The following BFSP1 variants were observed in gnomAD, a reference collection of about 807,000 sequenced individuals.
BFSP1 encodes beaded filament structural protein 1, also known as filensin.
In BFSP1, 38 loss-of-function variants were observed where a neutral mutation model predicts 43.9. That is an observed-to-expected ratio of 0.87 (90% confidence interval 0.67 to 1.14). BFSP1 has a LOEUF of 1.14. Among genes scored for constraint, BFSP1 ranks in the 50% most tolerant of loss-of-function variants. BFSP1 has a pLI of 0.00. For missense variants in BFSP1, 850 were observed against 875.1 expected (o/e 0.97, Z 0.36); for synonymous variants, 352 against 354.8 (o/e 0.99, Z 0.09).
intron 1 of BFSP1, among the ~76,000 whole-genome samples, chr20:17,542,745 C>T (rs1271557113): frequency 6.6e-6 from 1 of 152,184 alleles, no homozygotes; most frequent in African/African-American, 2.4e-5. Flanking sequence ...TATTGTTTAA[C>T]ATGGAACCCT....
chr20:17,495,652 C>T (rs1386352981), intron 7 of BFSP1, among the ~76,000 whole-genome samples: 4 of 152,180 alleles, frequency 2.6e-5, no homozygotes, highest in Non-Finnish European at 5.9e-5. Flanking sequence ...CTATGAAATT[C>T]AGAAATGACA....
At chr20:17,521,879 T>C (rs946201862) in intron 2 of BFSP1, among the ~76,000 whole-genome samples, 3 of 152,166 alleles carry the variant, frequency 2.0e-5, no homozygotes, top group African/African-American at 4.8e-5. Context: ...ATGTGGAATG[T>C]GGCTCTGAAC....
intron 1 of BFSP1, among the ~76,000 whole-genome samples, chr20:17,568,156 G>A (rs2035144207): frequency 6.6e-6 from 1 of 152,022 alleles, no homozygotes; most frequent in South Asian, 2.1e-4. Flanking sequence ...TGGGAGATAG[G>A]GCAGAAAAAG....
upstream of BFSP1, among the ~76,000 whole-genome samples, chr20:17,532,220 C>G (rs951420153): frequency 5.3e-5 from 8 of 151,890 alleles, no homozygotes; most frequent in South Asian, 2.1e-4. Flanking sequence ...GCCTGGCCAA[C>G]ATGGTGAAAC....
upstream of BFSP1, among the ~76,000 whole-genome samples, chr20:17,559,836 G>A (rs1446649670): frequency 6.6e-6 from 1 of 152,128 alleles, no homozygotes; most frequent in African/African-American, 2.4e-5. Context: ...CACCCCGTCT[G>A]TGGAAAAATT....
intron 1 of BFSP1, among the ~76,000 whole-genome samples, chr20:17,526,029 C>T (rs1429254596): frequency 6.7e-6 from 1 of 150,038 alleles, no homozygotes; most frequent in Admixed American, 6.8e-5. Context: ...AAATACTGTA[C>T]AGTATCATAC....
chr20:17,559,473 G>A (rs1215181617), upstream of BFSP1, among the ~76,000 whole-genome samples: 2 of 152,146 alleles, frequency 1.3e-5, no homozygotes, highest in African/African-American at 4.8e-5. Context: ...TACAGGTGAG[G>A]ACAAGGAGTC....
At chr20:17,540,514 C>T (rs974521895) in intron 1 of BFSP1, among the ~76,000 whole-genome samples, 5 of 152,118 alleles carry the variant, frequency 3.3e-5, no homozygotes, top group African/African-American at 9.7e-5. Flanking sequence ...TAAGGTCCCC[C>T]GCTGTTTACC....
In BFSP1 at chr20:17,494,261, C is replaced by T. The variant is rs2033567638; in HGVS notation, c.1811G>A (p.Arg604Lys). 3.1e-6 allele frequency: 5 copies of T among 1,614,202 alleles called. No homozygotes were observed. Among genetic ancestry groups the T allele is most frequent in the Non-Finnish European group, 4.2e-6 (5 of 1,180,048 alleles). ...DQDGAEVLGTRSRSLPEKGPP... is the reference protein window; with the variant it reads ...DQDGAEVLGTKSRSLPEKGPP... Reference sequence around the variant, plus strand: ...GCCTTTTTCTGGCAGGCTTCTGCTCCTAGTCCCAAGCACCTCAGCTCCATC... The same window carrying T: ...GCCTTTTTCTGGCAGGCTTCTGCTCTTAGTCCCAAGCACCTCAGCTCCATC... The change falls in exon 8 of 8, where the codon AGG becomes AAG. Residue 604 changes from arginine to lysine, a missense_variant. Physicochemically the swap from Arg to Lys is conservative, Grantham distance 26. Transcript: ENST00000377873.
intron 1 of BFSP1, among the ~76,000 whole-genome samples, chr20:17,539,533 G>A (rs533099240): frequency 6.6e-6 from 1 of 152,194 alleles, no homozygotes; most frequent in Non-Finnish European, 1.5e-5. Flanking sequence ...GATTGATTGA[G>A]CACAGGAATT....
At chr20:17,546,959 G>A (rs1412161206) in intron 1 of BFSP1, among the ~76,000 whole-genome samples, 1 of 149,864 alleles carries the variant, frequency 6.7e-6, no homozygotes, top group Non-Finnish European at 1.5e-5. Flanking sequence ...GGGAGGCAGA[G>A]GTTGCAGTGA....
rs181632336 is a variant in BFSP1 at position 17,541,627 on chromosome 20, G to T, written c.3-16719C>A. 1.1e-3 allele frequency among the ~76,000 whole-genome samples: 175 copies of T among 152,330 alleles called. 1 individual carries two copies. Among genetic ancestry groups the T allele is most frequent in the Middle Eastern group, 0.01 (3 of 294 alleles). ...GGAAAAGAGCTTTCTATTTTAAGAA[G>T]ATGAACAAAATAAGAGAGGTCCTTA... On this transcript the variant is annotated intron_variant, in intron 1 of 7. Coordinates refer to the BFSP1 transcript ENST00000377868.
intron 1 of BFSP1, among the ~76,000 whole-genome samples, chr20:17,541,842 T>A (rs1262266885): frequency 6.6e-6 from 1 of 152,248 alleles, no homozygotes; most frequent in Non-Finnish European, 1.5e-5. Context: ...GTGGTCCTTG[T>A]CTGTAAAATG....
chr20:17,505,986 AGTTACCCTTTTT>A (rs1221793108), intron 5 of BFSP1, among the ~76,000 whole-genome samples: 16 of 152,258 alleles, frequency 1.1e-4, no homozygotes, highest in African/African-American at 3.6e-4. Flanking sequence ...GTTCTTAATC[AGTTACCCTTTTT>A]TAAGGAAAGG....
rs575184873 is a variant in BFSP1, at chr20:17,566,222, T to C, written n.50+2949A>G. ...AGGAGTTAAAAGTTTTTTTCTATGC[T>C]GTATATTGACAGTGTTATGTCTCCC... On this transcript the variant is annotated intron_variant and non_coding_transcript_variant, in intron 1 of 6. Transcript: ENST00000473415. 2.0e-4 allele frequency among the ~76,000 whole-genome samples: 30 copies of C among 152,182 alleles called. No homozygotes were observed. In the South Asian group the frequency reaches 6.2e-3, roughly 32 times the overall value.
chr20:17,544,912 C>T (rs891587682), intron 1 of BFSP1, among the ~76,000 whole-genome samples: 1 of 152,198 alleles, frequency 6.6e-6, no homozygotes, highest in African/African-American at 2.4e-5. Context: ...CCCATGCATC[C>T]AGACAAAGGT....
chr20:17,531,155 G>A lies in BFSP1; in HGVS notation c.175C>T (p.Arg59Cys), dbSNP rs1193670325. 1 of 1,303,652 alleles carries A rather than the reference G, an allele frequency of 7.7e-7. No individual in the cohort carries two copies. Among genetic ancestry groups the A allele is most frequent in the Non-Finnish European group, 9.7e-7 (1 of 1,028,944 alleles). 80.8% of individuals were successfully genotyped at this position (1,303,652 alleles called of 1,614,324 possible). The change falls in exon 1 of 8, where the codon CGC becomes TGC. Residue 59 changes from arginine (R) to cysteine (C), a missense_variant. Transcript: ENST00000377873. ...ERVAAHVQRARALEQRHAGLR... is the reference protein window; with the variant it reads ...ERVAAHVQRACALEQRHAGLR... Reference sequence around the variant, plus strand: ...CCGGCATGGCGCTGCTCGAGGGCGCGGGCCCGCTGGACGTGGGCGGCCACG... The same window carrying A: ...CCGGCATGGCGCTGCTCGAGGGCGCAGGCCCGCTGGACGTGGGCGGCCACG...
intron 5 of BFSP1, among the ~76,000 whole-genome samples, chr20:17,504,333 T>G (rs1487399332): frequency 2.0e-5 from 3 of 152,124 alleles, no homozygotes; most frequent in Non-Finnish European, 4.4e-5. Context: ...AAACCTTTCA[T>G]CAGAAGGAAG....
chr20:17,555,657 A>G (rs1402661488), intron 1 of BFSP1, among the ~76,000 whole-genome samples: 5 of 152,202 alleles, frequency 3.3e-5, no homozygotes, highest in Non-Finnish European at 7.3e-5. Flanking sequence ...TGTCTCAAAA[A>G]ACAAAACAAA....
Sources: gnomAD v4.1 joint callset for allele counts (sites outside exome capture counted in the v4.1 genomes callset) on GRCh38, gnomAD v4.1.1 for gene constraint, MANE v1.5 for transcripts, NCBI Gene and HGNC (gene_info 2026-07-23, HGNC 2026-07-21) for gene names.